Variants in STAM observed in about 807,000 individuals in gnomAD.
STAM encodes the protein signal transducing adaptor molecule.
STAM carries 16 observed loss-of-function variants against 63.4 expected under a neutral mutation model. That is an observed-to-expected ratio of 0.25 (90% CI 0.17 to 0.38). STAM has a LOEUF of 0.38. Among genes scored for constraint, STAM ranks in the 10% least tolerant of loss-of-function variants. The pLI, the probability that STAM is intolerant of heterozygous loss-of-function variation, is 1.00. For synonymous variants in STAM, 238 were observed against 223.9 expected (o/e 1.06, Z -0.56); for missense variants, 636 against 657.1 (o/e 0.97, Z 0.35).
chr10:17,686,577 A>G (rs1835304914), intron 4 of STAM, among the ~76,000 whole-genome samples: 1 of 152,078 alleles, frequency 6.6e-6, no homozygotes, highest in Non-Finnish European at 1.5e-5. Flanking sequence ...GGGTTTCACC[A>G]TGGGGATGGT....
chr10:17,656,597 G>A (rs1833950340), intron 1 of STAM, among the ~76,000 whole-genome samples: 1 of 152,192 alleles, frequency 6.6e-6, no homozygotes, highest in South Asian at 2.1e-4. Flanking sequence ...GCATACCTGG[G>A]ATGAATCTTA....
chr10:17,713,004 C>G (rs117775167), intron 13 of STAM, among the ~76,000 whole-genome samples: 4,015 of 152,222 alleles, frequency 0.026, 91 homozygotes, highest in Non-Finnish European at 0.037. Context: ...TCCACTAGTC[C>G]TTTGGGACCG....
At chr10:17,688,239 A>T in intron 5 of STAM, 66 bp downstream of exon 5, 1 of 1,335,680 alleles carries the variant, frequency 7.5e-7, no homozygotes, top group Non-Finnish European at 9.7e-7. Flanking sequence ...TATTTATTTG[A>T]ATTTTTTTCT....
chr10:17,677,195 G>A (rs1455736187), intron 2 of STAM, among the ~76,000 whole-genome samples: 2 of 152,016 alleles, frequency 1.3e-5, no homozygotes, highest in Non-Finnish European at 2.9e-5. Context: ...ATTGGCTGTG[G>A]TAAAACAACA....
chr10:17,685,288 AGTC>A (rs1833469165), intron 4 of STAM, among the ~76,000 whole-genome samples: 1 of 152,242 alleles, frequency 6.6e-6, no homozygotes, highest in Non-Finnish European at 1.5e-5. Context: ...CACTGCAAAA[AGTC>A]TATGGCACCG....
intron 2 of STAM, among the ~76,000 whole-genome samples, chr10:17,682,360 C>G (rs1316140933): frequency 1.3e-5 from 2 of 152,110 alleles, no homozygotes; most frequent in Non-Finnish European, 2.9e-5. Context: ...TACAATTTAT[C>G]CATTCATCTG....
intron 12 of STAM, among the ~76,000 whole-genome samples, chr10:17,707,455 A>G (rs1233871714): frequency 3.9e-5 from 6 of 151,966 alleles, no homozygotes; most frequent in African/African-American, 1.5e-4. Flanking sequence ...AAAACTAGCC[A>G]GATACTCCAT....
At chr10:17,669,802 G>A (rs1357052612) in intron 2 of STAM, among the ~76,000 whole-genome samples, 14 of 148,538 alleles carry the variant, frequency 9.4e-5, no homozygotes, top group African/African-American at 7.4e-5. Flanking sequence ...GGTTCACACC[G>A]TTCTCCTGCC....
rs1354122281 is a variant in STAM at position 17,714,972 on chromosome 10, CT to C, written c.*193del. ...TTTAGAGGTTCTTCCCCCCCCGCCC[CT>C]GCAGAGGAATGAAACTACTTACAAC... On this transcript the variant is annotated 3_prime_UTR_variant, in exon 14 of 14. Transcript: ENST00000377524. 5.1e-6 allele frequency: 3 copies of C among 591,028 alleles called. No individual in the cohort carries two copies. In the South Asian group the frequency reaches 6.0e-5, roughly 12 times the overall value. The allele number at this position is 591,028 out of a possible 1,614,324, so 36.6% of individuals were successfully genotyped here.
At position 17,714,637 on chromosome 10, in the gene STAM, G is replaced by C. The variant is rs782522322; in HGVS notation, c.1480G>C (p.Asp494His). Residue 494 changes from aspartate to histidine, a missense_variant, in exon 14 of 14, where the codon GAT becomes CAT. By Grantham distance (81) the Asp-to-His change is moderately conservative. Transcript: ENST00000377524. ...PAATAAAATADVTLYQNAGPN... is the reference protein window; with the variant it reads ...PAATAAAATAHVTLYQNAGPN... ...CGCTACTGCTGCTGCTGCAACTGCC[G>C]ATGTCACTCTGTACCAGAATGCAGG... is the stretch of plus-strand genomic sequence containing the variant. 3 of 1,614,000 alleles carry C rather than the reference G, an allele frequency of 1.9e-6. No individual in the cohort carries two copies. The highest frequency in any genetic ancestry group is 1.6e-4 in the Middle Eastern group (1 of 6,084).
At position 17,705,728 on chromosome 10, in the gene STAM, T is replaced by C; in HGVS notation, c.1196T>C (p.Val399Ala). 6.2e-7 allele frequency: 1 copy of C among 1,610,862 alleles called. No individual in the cohort carries two copies. The highest frequency in any genetic ancestry group is 8.5e-7 in the Non-Finnish European group (1 of 1,179,074). The change falls in exon 12 of 14, where the codon GTT becomes GCT. Residue 399 changes from valine to alanine, a missense_variant. Val to Ala is a moderately conservative substitution (Grantham distance 64). Transcript: ENST00000377524. Reference protein sequence around the residue: ...NQPYYMQSSGVSGSQVYAGPP... With the variant: ...NQPYYMQSSGASGSQVYAGPP... Reference sequence around the variant, plus strand: ...CCATATTATATGCAGTCATCTGGTGTTTCTGGTTCTCAGGTAAGCTTTTAG... The same window carrying C: ...CCATATTATATGCAGTCATCTGGTGCTTCTGGTTCTCAGGTAAGCTTTTAG...
At chr10:17,660,585 C>T (rs1834125450) in intron 2 of STAM, 37 bp downstream of exon 2, 1 of 1,533,318 alleles carries the variant, frequency 6.5e-7, no homozygotes, top group East Asian at 2.3e-5. Flanking sequence ...TTTATTCTTT[C>T]TTTTTAAAAA....
chr10:17,697,291 A>C (rs973323151), intron 8 of STAM, among the ~76,000 whole-genome samples: 4 of 152,196 alleles, frequency 2.6e-5, no homozygotes, highest in Admixed American at 6.5e-5. Context: ...TTCATTAAGA[A>C]GTCTTACAGA....
At chr10:17,673,098 G>C in intron 2 of STAM, 1 of 932,078 alleles carries the variant, frequency 1.1e-6, no homozygotes, top group Non-Finnish European at 1.3e-6. Context: ...GGAAACCTTT[G>C]GTAGACTCTT....
intron 13 of STAM, 60 bp downstream of exon 13, chr10:17,709,011 C>T (rs555029284): frequency 1.3e-6 from 2 of 1,545,214 alleles, no homozygotes; most frequent in Non-Finnish European, 1.8e-6. Context: ...TAAGTGCCCC[C>T]AGTTATCTAT....
chr10:17,657,147 A>C (rs1554822241), intron 1 of STAM, among the ~76,000 whole-genome samples: 1 of 152,030 alleles, frequency 6.6e-6, no homozygotes, highest in Non-Finnish European at 1.5e-5. Context: ...TCAGTGCCTG[A>C]GATTTTATTG....
In STAM at chr10:17,715,199, T is replaced by C. The variant is rs1836762829; in HGVS notation, c.*419T>C. 5.8e-6 allele frequency: 1 copy of C among 172,238 alleles called. No individual in the cohort carries two copies. The highest frequency in any genetic ancestry group is 1.4e-4 in the South Asian group (1 of 7,124). 10.7% of individuals were successfully genotyped at this position (172,238 alleles called of 1,614,324 possible). On this transcript the variant is annotated 3_prime_UTR_variant, in exon 14 of 14. Coordinates refer to ENST00000377524, the MANE Select transcript of STAM (RefSeq NM_003473.4). ...AACACTGTGTTAAATTAATTTACGT[T>C]GCTATTTTATTTTAATCATAAACAA... is the stretch of plus-strand genomic sequence containing the variant.
chr10:17,672,674 A>G (rs529325896), intron 2 of STAM, among the ~76,000 whole-genome samples: 30 of 152,298 alleles, frequency 2.0e-4, no homozygotes, highest in Middle Eastern at 3.4e-3. Context: ...ATAATTGAGG[A>G]AAAGTTGGCT....
At chr10:17,671,917 A>T (rs556108098) in intron 2 of STAM, among the ~76,000 whole-genome samples, 1 of 152,172 alleles carries the variant, frequency 6.6e-6, no homozygotes, top group Non-Finnish European at 1.5e-5. Flanking sequence ...CAGGAATTAG[A>T]ATTTAAATTT....
Sources: gnomAD v4.1 joint callset for allele counts (sites outside exome capture counted in the v4.1 genomes callset) on GRCh38, gnomAD v4.1.1 for gene constraint, MANE v1.5 for transcripts, NCBI Gene and HGNC (gene_info 2026-07-23, HGNC 2026-07-21) for gene names.